Variants in ADAM2 observed in about 807,000 individuals in gnomAD.
The protein encoded by ADAM2 is ADAM metallopeptidase domain 2.
In ADAM2, 101 loss-of-function variants were observed where a neutral mutation model predicts 99.3. The ratio of observed to expected loss-of-function variants is 1.02; its 90% confidence interval spans 0.87 to 1.20. ADAM2 has a LOEUF of 1.20. ADAM2 is among the 50% of genes most tolerant of loss of function. ADAM2 has a pLI of 0.00. For missense variants in ADAM2, 948 were observed against 878.7 expected (o/e 1.08, Z -1.00); for synonymous variants, 323 against 287.6 (o/e 1.12, Z -1.25).
intron 11 of ADAM2, among the ~76,000 whole-genome samples, chr8:39,772,180 G>A (rs376658964): frequency 3.8e-4 from 57 of 150,092 alleles, no homozygotes; most frequent in African/African-American, 1.2e-3. Flanking sequence ...CTTTTTTGCA[G>A]CTTGAATCTT....
intron 9 of ADAM2, 113 bp downstream of exon 9, chr8:39,787,972 T>C (rs1803545147): frequency 5.0e-6 from 3 of 602,274 alleles, no homozygotes; most frequent in Non-Finnish European, 7.8e-6. Flanking sequence ...TTACATGGCG[T>C]GTGTGAGAAA....
chr8:39,787,953 G>C, intron 9 of ADAM2, 132 bp downstream of exon 9: 2 of 552,620 alleles, frequency 3.6e-6, no homozygotes, highest in South Asian at 9.3e-5. Context: ...ACCATGTTGT[G>C]AAAAATATTT....
chr8:39,792,645 C>T (rs759537414), intron 7 of ADAM2, among the ~76,000 whole-genome samples: 5 of 151,970 alleles, frequency 3.3e-5, no homozygotes, highest in Non-Finnish European at 7.4e-5. Flanking sequence ...GAGCTCAGAG[C>T]AGTGGCTAAA....
intron 7 of ADAM2, among the ~76,000 whole-genome samples, chr8:39,796,494 A>G (rs1193787324): frequency 1.3e-5 from 2 of 152,202 alleles, no homozygotes; most frequent in East Asian, 3.9e-4. Flanking sequence ...TAGTGCTGCA[A>G]TAAACATACA....
intron 6 of ADAM2, among the ~76,000 whole-genome samples, chr8:39,813,431 A>G (rs1464964054): frequency 6.6e-6 from 1 of 152,236 alleles, no homozygotes; most frequent in Non-Finnish European, 1.5e-5. Context: ...TATATACCCA[A>G]AGGATTATAA....
At chr8:39,782,147 C>A (rs1453865138) in intron 10 of ADAM2, among the ~76,000 whole-genome samples, 3 of 152,080 alleles carry the variant, frequency 2.0e-5, no homozygotes, top group Non-Finnish European at 4.4e-5. Context: ...TTAGAATGGG[C>A]AAACATTTCT....
In ADAM2 at chr8:39,777,253, A is replaced by C. The variant is rs1563350772; in HGVS notation, c.892-92T>G. ...TATTAAAGATCACATGATAAAATGG[A>C]ATAGGGGCATCTGTTATCCCAAAAG... On this transcript the variant is annotated intron_variant, in intron 10 of 20. Transcript: ENST00000265708. 3.0e-6 allele frequency: 3 copies of C among 992,498 alleles called. No homozygotes were observed. The East Asian group carries it at 7.5e-5, about 25-fold the overall frequency. 61.5% of individuals were successfully genotyped at this position (992,498 alleles called of 1,614,324 possible).
At chr8:39,822,888 C>T (rs1408293981) in intron 4 of ADAM2, among the ~76,000 whole-genome samples, 1 of 152,066 alleles carries the variant, frequency 6.6e-6, no homozygotes, top group East Asian at 1.9e-4. Context: ...CCTGCCTCAG[C>T]CTCCTGAGTA....
intron 15 of ADAM2, among the ~76,000 whole-genome samples, chr8:39,759,730 T>A (rs1031672198): frequency 1.3e-5 from 2 of 151,948 alleles, no homozygotes; most frequent in Admixed American, 1.3e-4. Context: ...AGGCAAAGGG[T>A]ATATGGGAAT....
chr8:39,799,049 C>T (rs1398746407), intron 7 of ADAM2, among the ~76,000 whole-genome samples: 2 of 152,024 alleles, frequency 1.3e-5, no homozygotes, highest in Non-Finnish European at 2.9e-5. Flanking sequence ...TTCAATTCTT[C>T]TCTGATCTTA....
At chr8:39,773,770 C>T (rs890975102) in intron 11 of ADAM2, among the ~76,000 whole-genome samples, 1 of 151,840 alleles carries the variant, frequency 6.6e-6, no homozygotes, top group Admixed American at 6.6e-5. Flanking sequence ...CTGATAAATG[C>T]TATCAAACAA....
At chr8:39,759,201 G>A (rs1355558960) in intron 15 of ADAM2, among the ~76,000 whole-genome samples, 1 of 151,854 alleles carries the variant, frequency 6.6e-6, no homozygotes, top group Non-Finnish European at 1.5e-5. Flanking sequence ...GAAAGAAAAT[G>A]GCATGTACCT....
At chr8:39,814,453 A>G (rs1315437171) in intron 6 of ADAM2, among the ~76,000 whole-genome samples, 2 of 152,214 alleles carry the variant, frequency 1.3e-5, no homozygotes, top group Admixed American at 6.5e-5. Context: ...TGATGTTGAA[A>G]GAGGACTCCA....
At chr8:39,755,697 G>C (rs747549774) in intron 16 of ADAM2, 31 bp downstream of exon 16, 2 of 1,546,628 alleles carry the variant, frequency 1.3e-6, no homozygotes, top group Non-Finnish European at 1.8e-6. Context: ...TAAAATATTA[G>C]GAAATTATTT....
chr8:39,828,348 T>G (rs1344984386), intron 3 of ADAM2, among the ~76,000 whole-genome samples: 2 of 151,718 alleles, frequency 1.3e-5, no homozygotes, highest in African/African-American at 4.8e-5. Context: ...TGGTAATTGG[T>G]AGGAGGACTA....
intron 7 of ADAM2, among the ~76,000 whole-genome samples, chr8:39,806,460 TAAA>T (rs201106342): frequency 6.8e-6 from 1 of 147,538 alleles, no homozygotes; most frequent in African/African-American, 2.5e-5. Context: ...TGACACATAA[TAAA>T]AAAAAAGTTA....
At chr8:39,761,016 T>C (rs1802345990) in intron 15 of ADAM2, among the ~76,000 whole-genome samples, 160 bp downstream of exon 15, 1 of 151,850 alleles carries the variant, frequency 6.6e-6, no homozygotes, top group Non-Finnish European at 1.5e-5. Flanking sequence ...AATTTGGTTA[T>C]AGGAGAGGAG....
At chr8:39,805,923 C>G (rs567161639) in intron 7 of ADAM2, among the ~76,000 whole-genome samples, 1 of 152,058 alleles carries the variant, frequency 6.6e-6, no homozygotes, top group African/African-American at 2.4e-5. Flanking sequence ...AAAATGGTCT[C>G]GAAAGCACCC....
chr8:39,779,286 C>T (rs1055070387), intron 10 of ADAM2, among the ~76,000 whole-genome samples: 1 of 152,068 alleles, frequency 6.6e-6, no homozygotes, highest in African/African-American at 2.4e-5. Flanking sequence ...GATAGGTTGC[C>T]TTCTTGCTGG....
Sources: allele counts gnomAD v4.1 joint callset (sites outside exome capture counted in the v4.1 genomes callset), GRCh38; gene constraint gnomAD v4.1.1; transcripts MANE v1.5; gene names NCBI Gene and HGNC (gene_info 2026-07-23, HGNC 2026-07-21).